PRKCE: variants seen among roughly 807,000 people sequenced by gnomAD.
The protein encoded by PRKCE is protein kinase C epsilon.
PRKCE carries 16 observed loss-of-function variants against 85.4 expected under a neutral mutation model. The observed-to-expected ratio is 0.19, with a 90% confidence interval of 0.13 to 0.28. PRKCE has a LOEUF of 0.28. PRKCE is among the 10% of genes least tolerant of loss of function. The pLI, the probability that PRKCE is intolerant of heterozygous loss-of-function variation, is 1.00. For synonymous variants in PRKCE, 388 were observed against 371.5 expected, an observed-to-expected ratio of 1.04 and a Z score of -0.51; for missense variants, 573 against 975.2, an observed-to-expected ratio of 0.59 and a Z score of 5.49.
intron 2 of PRKCE, among the ~76,000 whole-genome samples, chr2:45,921,388 A>C (rs1167147052): frequency 6.6e-6 from 1 of 152,270 alleles, no homozygotes; most frequent in East Asian, 1.9e-4. Context: ...GAGCCCTCTT[A>C]AAAGATGGGA....
intron 2 of PRKCE, among the ~76,000 whole-genome samples, chr2:45,949,351 A>C (rs952216901): frequency 9.4e-5 from 14 of 148,776 alleles, no homozygotes; most frequent in African/African-American, 3.5e-4. Context: ...GATTACCTTT[A>C]AAATATTCTT....
intron 1 of PRKCE, among the ~76,000 whole-genome samples, chr2:45,822,861 C>T (rs937705276): frequency 6.6e-6 from 1 of 152,184 alleles, no homozygotes; most frequent in Non-Finnish European, 1.5e-5. Context: ...TTCCCTTATG[C>T]AAAACTCTCA....
At chr2:46,128,983 C>T (rs1053876326) in intron 11 of PRKCE, among the ~76,000 whole-genome samples, 1 of 152,166 alleles carries the variant, frequency 6.6e-6, no homozygotes, top group African/African-American at 2.4e-5. Context: ...AGGACCTCCT[C>T]CACCACCTAG....
At chr2:45,810,229 C>T (rs983552391) in intron 1 of PRKCE, among the ~76,000 whole-genome samples, 11 of 151,708 alleles carry the variant, frequency 7.3e-5, no homozygotes, top group East Asian at 3.9e-4. Flanking sequence ...TTAGTAGAGA[C>T]GGGGTTTCAC....
intron 10 of PRKCE, among the ~76,000 whole-genome samples, chr2:46,024,629 G>T (rs917299041): frequency 2.6e-5 from 4 of 152,164 alleles, no homozygotes; most frequent in Admixed American, 6.5e-5. Flanking sequence ...ACAGATTTGG[G>T]CCTGAGAAGT....
intron 11 of PRKCE, among the ~76,000 whole-genome samples, chr2:46,132,510 T>C (rs1674561676): frequency 6.6e-6 from 1 of 152,152 alleles, no homozygotes; most frequent in Non-Finnish European, 1.5e-5. Context: ...GCTGTCTTTA[T>C]CTCTAATCAC....
chr2:45,859,891 T>C (rs1055021067), intron 2 of PRKCE, among the ~76,000 whole-genome samples: 1 of 152,204 alleles, frequency 6.6e-6, no homozygotes, highest in Non-Finnish European at 1.5e-5. Flanking sequence ...TGAGCTGATG[T>C]GCATGAAAGC....
rs1573702356 is a variant in PRKCE, at chr2:45,874,339, G to A, written c.412+31276G>A. Reference sequence around the variant, plus strand: ...GGTGAAGAAGGGAAGTGGCTGCAGGGGCTTCGTGATGACGCTGGCCTGCCC... The same window carrying A: ...GGTGAAGAAGGGAAGTGGCTGCAGGAGCTTCGTGATGACGCTGGCCTGCCC... On this transcript the variant is annotated intron_variant, in intron 2 of 14. Coordinates refer to ENST00000306156, the MANE Select transcript of PRKCE (RefSeq NM_005400.3). Among the ~76,000 whole-genome samples, 4 of 152,308 alleles carry A rather than the reference G, an allele frequency of 2.6e-5. No homozygotes were observed. In the South Asian group the frequency reaches 8.3e-4, roughly 32 times the overall value.
At chr2:45,962,768 C>G (rs1011580107) in intron 2 of PRKCE, among the ~76,000 whole-genome samples, 1 of 152,066 alleles carries the variant, frequency 6.6e-6, no homozygotes, top group African/African-American at 2.4e-5. Flanking sequence ...GTGCCAGCAG[C>G]GGGGGTGTCA....
intron 1 of PRKCE, among the ~76,000 whole-genome samples, chr2:45,673,363 C>A (rs1237109725): frequency 6.6e-6 from 1 of 152,134 alleles, no homozygotes; most frequent in African/African-American, 2.4e-5. Context: ...ACATTTATTG[C>A]AGGACTTTTT....
At chr2:45,667,553 G>A (rs930733246) in intron 1 of PRKCE, among the ~76,000 whole-genome samples, 3 of 152,090 alleles carry the variant, frequency 2.0e-5, no homozygotes, top group African/African-American at 7.2e-5. Context: ...ACTGAAGAGA[G>A]TGTAGTATTG....
chr2:45,654,330 T>C (rs555632717), intron 1 of PRKCE, among the ~76,000 whole-genome samples: 23 of 152,352 alleles, frequency 1.5e-4, no homozygotes, highest in African/African-American at 5.3e-4. Context: ...AAGCATGCAG[T>C]GGGAACTTGT....
chr2:45,788,292 G>T (rs1420370164), intron 1 of PRKCE, among the ~76,000 whole-genome samples: 3 of 152,134 alleles, frequency 2.0e-5, no homozygotes, highest in Non-Finnish European at 4.4e-5. Flanking sequence ...TCATAAAATG[G>T]TTATAATGAA....
At chr2:46,052,109 A>G (rs1001406054) in intron 10 of PRKCE, among the ~76,000 whole-genome samples, 1 of 152,204 alleles carries the variant, frequency 6.6e-6, no homozygotes, top group Non-Finnish European at 1.5e-5. Flanking sequence ...AAGGGAGGAG[A>G]AAAGCCATAT....
In PRKCE at chr2:45,914,081, T is replaced by G. The variant is rs1057123735; in HGVS notation, c.413-62348T>G. 1.3e-5 allele frequency among the ~76,000 whole-genome samples: 2 copies of G among 152,246 alleles called. 1 individual carries two copies. The highest frequency in any genetic ancestry group is 1.3e-4 in the Admixed American group (2 of 15,288). On this transcript the variant is annotated intron_variant, in intron 2 of 14. Coordinates refer to ENST00000306156, the MANE Select transcript of PRKCE (RefSeq NM_005400.3). Reference sequence around the variant, plus strand: ...AGCTCTTAGCAGATACAGCTCTACATGTGTAGCAAAGTGTGATTCACATTC... The same window carrying G: ...AGCTCTTAGCAGATACAGCTCTACAGGTGTAGCAAAGTGTGATTCACATTC...
In PRKCE at chr2:46,008,546, T is replaced by G. The variant is rs369432189; in HGVS notation, c.1263+885T>G. Reference sequence around the variant, plus strand: ...CCTGCTCTGGGGACCAGGAAGCTCCTGGGATCACATGCCCTGGCATGTCCT... The same window carrying G: ...CCTGCTCTGGGGACCAGGAAGCTCCGGGGATCACATGCCCTGGCATGTCCT... On this transcript the variant is annotated intron_variant, in intron 9 of 14. Transcript: ENST00000306156. 1.3e-3 allele frequency among the ~76,000 whole-genome samples: 200 copies of G among 152,236 alleles called. 2 individuals are homozygous for G. The highest frequency in any genetic ancestry group is 4.3e-3 in the African/African-American group (179 of 41,538).
chr2:45,868,344 T>C (rs1275439925), intron 2 of PRKCE, among the ~76,000 whole-genome samples: 1 of 99,826 alleles, frequency 1.0e-5, no homozygotes, highest in Admixed American at 1.2e-4. Flanking sequence ...AAAAAAAAAC[T>C]TTTTAGGGCA....
intron 14 of PRKCE, among the ~76,000 whole-genome samples, chr2:46,177,731 G>C (rs1290856817): frequency 3.3e-5 from 5 of 152,144 alleles, no homozygotes; most frequent in African/African-American, 9.7e-5. Flanking sequence ...TATCTTTTTG[G>C]GGAGACACAA....
intron 1 of PRKCE, among the ~76,000 whole-genome samples, chr2:45,818,183 T>C (rs894807539): frequency 6.6e-6 from 1 of 152,198 alleles, no homozygotes; most frequent in African/African-American, 2.4e-5. Context: ...TTAAGTTCTG[T>C]TTTTGTTTTT....
Sources: allele counts gnomAD v4.1 joint callset (sites outside exome capture counted in the v4.1 genomes callset), GRCh38; gene constraint gnomAD v4.1.1; transcripts MANE v1.5; gene names NCBI Gene and HGNC (gene_info 2026-07-23, HGNC 2026-07-21).